The following CPEB3 variants were observed in gnomAD, a reference collection of about 807,000 sequenced individuals.
The protein encoded by CPEB3 is cytoplasmic polyadenylation element-binding protein 3.
CPEB3 carries 20 observed loss-of-function variants against 67.2 expected under a neutral mutation model. The ratio of observed to expected loss-of-function variants is 0.30; its 90% CI spans 0.21 to 0.43. CPEB3 has a LOEUF of 0.43. Ranked by LOEUF, CPEB3 falls within the 20% of genes least tolerant of loss-of-function variation. The pLI is 1.00. For synonymous variants in CPEB3, 376 were observed against 393.1 expected (o/e 0.96, Z 0.51); for missense variants, 746 against 968.6 (o/e 0.77, Z 3.05).
At chr10:92,081,188 A>T in intron 9 of CPEB3, 132 bp downstream of exon 9, 1 of 930,842 alleles carries the variant, frequency 1.1e-6, no homozygotes, top group East Asian at 2.4e-5. Context: ...GGCAGCCTAG[A>T]TGAATTCATG....
At chr10:92,084,054 C>T (rs1214662541) in intron 8 of CPEB3, among the ~76,000 whole-genome samples, 2 of 151,436 alleles carry the variant, frequency 1.3e-5, no homozygotes, top group African/African-American at 4.9e-5. Flanking sequence ...TGGTGGCAGA[C>T]GCCGGGAGGC....
chr10:92,089,144 A>C (rs1340795577), intron 8 of CPEB3, among the ~76,000 whole-genome samples: 1 of 152,182 alleles, frequency 6.6e-6, no homozygotes, highest in African/African-American at 2.4e-5. Context: ...CTTGTCTAGC[A>C]AAGTCACAAT....
intron 4 of CPEB3, among the ~76,000 whole-genome samples, chr10:92,159,720 C>T (rs1847375994): frequency 6.6e-6 from 1 of 152,004 alleles, no homozygotes; most frequent in Non-Finnish European, 1.5e-5. Flanking sequence ...ACTATTTATT[C>T]CATAGGAAAA....
intron 2 of CPEB3, among the ~76,000 whole-genome samples, chr10:92,200,747 G>A (rs1244431174): frequency 6.6e-6 from 1 of 150,822 alleles, no homozygotes; most frequent in Non-Finnish European, 1.5e-5. Context: ...CTGCTCTGAA[G>A]GATGCTCAAA....
intron 2 of CPEB3, among the ~76,000 whole-genome samples, chr10:92,221,792 G>A (rs1256125045): frequency 6.6e-6 from 1 of 152,084 alleles, no homozygotes; most frequent in Non-Finnish European, 1.5e-5. Context: ...AGTCCAGAAT[G>A]GGCAGTACAA....
chr10:92,143,630 C>T (rs1376361702), intron 5 of CPEB3, among the ~76,000 whole-genome samples: 1 of 152,100 alleles, frequency 6.6e-6, no homozygotes, highest in East Asian at 1.9e-4. Flanking sequence ...TCTTTAATAA[C>T]TACATATTAC....
At chr10:92,054,642 G>C (rs35738111) in intron 9 of CPEB3, among the ~76,000 whole-genome samples, 5 of 151,828 alleles carry the variant, frequency 3.3e-5, no homozygotes, top group Admixed American at 1.3e-4. Flanking sequence ...GGGTTTCACC[G>C]TGTTGGCCAG....
chr10:92,148,538 G>A (rs967997271), intron 4 of CPEB3, among the ~76,000 whole-genome samples: 1 of 151,952 alleles, frequency 6.6e-6, no homozygotes, highest in African/African-American at 2.4e-5. Context: ...TACCATTTGG[G>A]TGCGTTTTTA....
chr10:92,273,865 C>T lies in CPEB3; in HGVS notation c.-12+17061G>A, dbSNP rs181521984. ...CCTTGCTCTTTTACATATACTCCTC[C>T]TTCAAGATCCAGGTCAAACCATCTT... On this transcript the variant is annotated intron_variant, in intron 1 of 9. Transcript: ENST00000265997. 3.3e-5 allele frequency among the ~76,000 whole-genome samples: 5 copies of T among 152,254 alleles called. No individual in the cohort carries two copies. In the East Asian group the frequency reaches 9.7e-4, roughly 29 times the overall value.
chr10:92,081,470 G>A lies in CPEB3; in HGVS notation c.1719C>T (p.Tyr573=), dbSNP rs2676811. Residue 573 remains tyrosine, a synonymous_variant, in exon 9 of 10, where the codon TAC becomes TAT. Transcript: ENST00000265997. ...VELAMIMDRL[Y]GGVCYAGIDT... is the part of the protein sequence containing the mutation. ...CAATGCCAGCATAGCAGACACCACC[G>A]TACAAACGGTCCATGATCATTGCCA... 6.1e-5 allele frequency: 99 copies of A among 1,613,458 alleles called. No individual in the cohort carries two copies. Among genetic ancestry groups the A allele is most frequent in the Admixed American group, 1.5e-4 (9 of 59,954 alleles).
chr10:92,216,751 C>G, intron 2 of CPEB3: 1 of 1,609,550 alleles, frequency 6.2e-7, no homozygotes, highest in Non-Finnish European at 8.5e-7. Flanking sequence ...AGGCTTACGA[C>G]GAGTGCCTGG....
intron 1 of CPEB3, among the ~76,000 whole-genome samples, chr10:92,241,910 CTTAA>C (rs1265636318): frequency 6.6e-6 from 1 of 152,150 alleles, no homozygotes; most frequent in Non-Finnish European, 1.5e-5. Context: ...AATGCAGTTA[CTTAA>C]TTAACCCAGA....
chr10:92,219,081 T>C (rs1850576225), intron 2 of CPEB3, among the ~76,000 whole-genome samples: 1 of 152,194 alleles, frequency 6.6e-6, no homozygotes, highest in African/African-American at 2.4e-5. Context: ...CGGGGCATCA[T>C]GAATATTATG....
intron 6 of CPEB3, among the ~76,000 whole-genome samples, chr10:92,133,683 G>A (rs897762842): frequency 1.3e-5 from 2 of 152,156 alleles, no homozygotes; most frequent in African/African-American, 4.8e-5. Flanking sequence ...GCATCATCCT[G>A]ATACCAAAGC....
rs143190536 is a variant in CPEB3 at position 92,239,415 on chromosome 10, G to A, written c.936C>T (p.Leu312=). The A allele has an allele frequency of 2.4e-5, 38 of 1,604,260 alleles. No homozygotes were observed. In the African/African-American group the frequency reaches 4.7e-4, roughly 20 times the overall value. ...APPKFPRAAP[L]TSKSWMEDNA... is the part of the protein sequence containing the mutation. ...TATCCTCCATCCAGGACTTGGAAGT[G>A]AGAGGGGCCGCGCGAGGGAACTTGG... is the stretch of plus-strand genomic sequence containing the variant. Residue 312 remains leucine, a synonymous_variant, in exon 2 of 10, where the codon CTC becomes CTT. Transcript: ENST00000265997. This position sits in a 1 kb window ranked among gnomAD's most constrained non-coding sequence, Gnocchi z 6.0.
chr10:92,253,112 A>G (rs1428686421), intron 1 of CPEB3, among the ~76,000 whole-genome samples: 1 of 152,158 alleles, frequency 6.6e-6, no homozygotes, highest in African/African-American at 2.4e-5. Flanking sequence ...AGGGGACTTC[A>G]GTGATGCTGG....
At chr10:92,247,825 T>C (rs1431407035) in intron 1 of CPEB3, among the ~76,000 whole-genome samples, 5 of 152,170 alleles carry the variant, frequency 3.3e-5, no homozygotes, top group Non-Finnish European at 7.3e-5. Context: ...AAAGAGGCAC[T>C]TTCTGAAATT....
At chr10:92,249,796 G>A (rs1259004986) in intron 1 of CPEB3, among the ~76,000 whole-genome samples, 1 of 152,062 alleles carries the variant, frequency 6.6e-6, no homozygotes, top group Non-Finnish European at 1.5e-5. Flanking sequence ...GAAGCAGGAA[G>A]ATTACTTGAG....
At chr10:92,104,086 A>C (rs1431624339) in intron 7 of CPEB3, among the ~76,000 whole-genome samples, 3 of 152,240 alleles carry the variant, frequency 2.0e-5, no homozygotes, top group Non-Finnish European at 4.4e-5. Context: ...ACAAATGTAT[A>C]TATTGTAAGA....
Sources: gnomAD v4.1 joint callset for allele counts (sites outside exome capture counted in the v4.1 genomes callset) on GRCh38, gnomAD v4.1.1 for gene constraint, Gnocchi (gnomAD v3.1) non-coding constraint, MANE v1.5 for transcripts, NCBI Gene and HGNC (gene_info 2026-07-23, HGNC 2026-07-21) for gene names.